SNX13: variants seen among roughly 807,000 people sequenced by gnomAD.
SNX13 encodes sorting nexin 13.
Under a neutral mutation model 133.6 loss-of-function variants are expected in SNX13, and 45 were observed. That is an observed-to-expected ratio of 0.34 (90% CI 0.27 to 0.43). SNX13 has a LOEUF of 0.43. Ranked by LOEUF, SNX13 falls within the 20% of genes least tolerant of loss-of-function variation. The pLI is 1.00. For missense variants in SNX13, 1,032 were observed against 1,145.1 expected, an observed-to-expected ratio of 0.90 and a Z score of 1.43; for synonymous variants, 414 against 373.9, an observed-to-expected ratio of 1.11 and a Z score of -1.24.
chr7:17,863,349 G>C (rs1256672530), intron 9 of SNX13, among the ~76,000 whole-genome samples: 2 of 152,122 alleles, frequency 1.3e-5, no homozygotes, highest in Admixed American at 1.3e-4. Flanking sequence ...ACCAGCTATG[G>C]TGGCCAGCAG....
chr7:17,831,358 G>C, intron 15 of SNX13: 2 of 845,490 alleles, frequency 2.4e-6, no homozygotes, highest in Non-Finnish European at 2.8e-6. Context: ...AAAAGCCTAT[G>C]AGACTGTTTT....
rs936168690 is a variant in SNX13 at position 17,791,518 on chromosome 7, A to G, written c.*2527T>C. The stretch of plus-strand genomic sequence containing the variant: ...GTGATATATTTAAATAATACAATCA[A>G]TTTTTTAAGGTGAATAAACTATGAT... On this transcript the variant is annotated 3_prime_UTR_variant, in exon 26 of 26. Transcript: ENST00000428135. The G allele has an allele frequency of 3.3e-5, 5 of 151,980 alleles. No homozygotes were observed. The highest frequency in any genetic ancestry group is 9.7e-5 in the African/African-American group (4 of 41,416). The allele number at this position is 151,980 out of a possible 1,614,324, so 9.4% of individuals were successfully genotyped here. A position where few individuals can be genotyped will look rare whatever the true frequency, so the allele number is the denominator to read the frequency against.
chr7:17,930,656 T>TA (rs1365142159), intron 1 of SNX13, among the ~76,000 whole-genome samples: 1 of 152,210 alleles, frequency 6.6e-6, no homozygotes, highest in Admixed American at 6.5e-5. Context: ...TTGGAAAGTA[T>TA]ATTATTTCAG....
chr7:17,930,736 G>A (rs1271813957), intron 1 of SNX13, among the ~76,000 whole-genome samples: 6 of 152,112 alleles, frequency 3.9e-5, no homozygotes, highest in African/African-American at 1.4e-4. Context: ...CAGGTCCATG[G>A]CCCATTAGGA....
chr7:17,809,800 C>T (rs989092335), intron 20 of SNX13, among the ~76,000 whole-genome samples: 11 of 152,238 alleles, frequency 7.2e-5, no homozygotes, highest in Middle Eastern at 3.4e-3. Flanking sequence ...CAAATTAGAA[C>T]TCAGGATTAA....
At chr7:17,851,553 G>A (rs73308174) in intron 9 of SNX13, among the ~76,000 whole-genome samples, 5,872 of 152,132 alleles carry the variant, frequency 0.039, 362 homozygotes, top group African/African-American at 0.13. Flanking sequence ...CTGGTAAGAC[G>A]GGTTTTGTAA....
At position 17,894,324 on chromosome 7, in the gene SNX13, C is replaced by A. The variant is rs368419910; in HGVS notation, c.126-890G>T. Among the ~76,000 whole-genome samples the A allele has an allele frequency of 9.9e-5, 15 of 151,948 alleles. 1 individual carries two copies. In the South Asian group the frequency reaches 2.9e-3, roughly 29 times the overall value. On this transcript the variant is annotated intron_variant, in intron 2 of 25. Coordinates refer to ENST00000428135, the MANE Select transcript of SNX13 (RefSeq NM_015132.5). ...AAAAAAAAGAAAAGAAAAATCAGCC[C>A]TTATTAAACAAGTAGGCTAGCTAAT... is the stretch of plus-strand genomic sequence containing the variant.
chr7:17,898,439 C>CTTTA (rs971575287), intron 1 of SNX13: 3 of 152,118 alleles, frequency 2.0e-5, no homozygotes, highest in Non-Finnish European at 2.9e-5. Flanking sequence ...GAAAGGAGGG[C>CTTTA]TTTATTTATT....
In SNX13 at chr7:17,801,011, TATATATATATATATATATATATATATATA is replaced by T. The variant is rs1784558092; in HGVS notation, c.2298+548_2298+576del. 1.4e-3 allele frequency among the ~76,000 whole-genome samples: 19 copies of T among 13,288 alleles called. 1 individual carries two copies. The highest frequency in any genetic ancestry group is 2.1e-3 in the African/African-American group (19 of 9,136). 8.7% of individuals were successfully genotyped at this position (13,288 alleles called of 152,430 possible). On this transcript the variant is annotated intron_variant, in intron 22 of 25. Transcript: ENST00000428135. Reference sequence around the variant, plus strand: ...TGGCAGTATCTACTAAAACTGAACATATATATATATATATATATATATATATATATATATATATATATATATATATCCTG... The same window carrying T: ...TGGCAGTATCTACTAAAACTGAACATTATATATATATATATATATATCCTG...
intron 12 of SNX13, among the ~76,000 whole-genome samples, chr7:17,844,774 C>T (rs1001691678): frequency 6.6e-6 from 1 of 150,984 alleles, no homozygotes; most frequent in Non-Finnish European, 1.5e-5. Context: ...TCTAATACAG[C>T]ACAACAGAAT....
chr7:17,799,370 A>C (rs907441857), intron 22 of SNX13, among the ~76,000 whole-genome samples: 2 of 151,764 alleles, frequency 1.3e-5, no homozygotes, highest in Non-Finnish European at 3.0e-5. Flanking sequence ...ATAATGAATA[A>C]ATTTTAAGGC....
At chr7:17,807,339 T>G (rs1439689717) in intron 20 of SNX13, among the ~76,000 whole-genome samples, 1 of 152,054 alleles carries the variant, frequency 6.6e-6, no homozygotes, top group Non-Finnish European at 1.5e-5. Flanking sequence ...TTTCTCCTTA[T>G]AGTGTAAACA....
intron 20 of SNX13, among the ~76,000 whole-genome samples, chr7:17,804,603 A>G (rs1784980087): frequency 6.6e-6 from 1 of 152,056 alleles, no homozygotes; most frequent in Non-Finnish European, 1.5e-5. Flanking sequence ...AATAATTTAC[A>G]TTAATAAAGA....
intron 25 of SNX13, chr7:17,796,462 A>G (rs886612671): frequency 1.2e-5 from 2 of 164,998 alleles, no homozygotes; most frequent in African/African-American, 4.8e-5. Flanking sequence ...ATTTAACTTA[A>G]CTCCCAATAT....
At chr7:17,878,508 CA>C (rs1254190806) in intron 5 of SNX13, among the ~76,000 whole-genome samples, 1 of 152,062 alleles carries the variant, frequency 6.6e-6, no homozygotes, top group Non-Finnish European at 1.5e-5. Flanking sequence ...AAAAGCAAAA[CA>C]AAACTATAAA....
chr7:17,807,292 G>T (rs1024627747), intron 20 of SNX13, among the ~76,000 whole-genome samples: 3 of 152,062 alleles, frequency 2.0e-5, no homozygotes, highest in African/African-American at 7.2e-5. Flanking sequence ...CCAGCTAGGT[G>T]GGGGGAGGGG....
intron 20 of SNX13, among the ~76,000 whole-genome samples, chr7:17,810,652 G>A (rs1039655118): frequency 1.9e-4 from 29 of 152,190 alleles, no homozygotes; most frequent in Non-Finnish European, 4.1e-4. Context: ...CTCATTTTAT[G>A]AGGCCAGCAT....
intron 20 of SNX13, among the ~76,000 whole-genome samples, chr7:17,805,859 G>T (rs1204767975): frequency 6.6e-6 from 1 of 152,142 alleles, no homozygotes; most frequent in Non-Finnish European, 1.5e-5. Context: ...CCAAGCATTT[G>T]TATTAGGAGG....
At chr7:17,851,312 A>G (rs1791180440) in intron 9 of SNX13, among the ~76,000 whole-genome samples, 1 of 152,228 alleles carries the variant, frequency 6.6e-6, no homozygotes, top group Non-Finnish European at 1.5e-5. Context: ...CAAAGGTTTT[A>G]GCTTTCACTC....
Sources: allele counts gnomAD v4.1 joint callset (sites outside exome capture counted in the v4.1 genomes callset), GRCh38; gene constraint gnomAD v4.1.1; transcripts MANE v1.5; gene names NCBI Gene and HGNC (gene_info 2026-07-23, HGNC 2026-07-21).